The following MPPED1 variants were observed in gnomAD, a reference collection of about 807,000 sequenced individuals.
MPPED1 encodes the protein metallophosphoesterase domain-containing protein 1.
Under a neutral mutation model 36.2 loss-of-function variants are expected in MPPED1, and 16 were observed. That is an observed-to-expected ratio of 0.44 (90% CI 0.30 to 0.67). The LOEUF is 0.67. MPPED1 is among the 30% of genes least tolerant of loss of function. The pLI is 0.10. For synonymous variants in MPPED1, 199 were observed against 191.3 expected, an observed-to-expected ratio of 1.04 and a Z score of -0.33; for missense variants, 307 against 453.4, an observed-to-expected ratio of 0.68 and a Z score of 2.93.
At chr22:43,498,388 C>A in intron 5 of MPPED1, 38 bp downstream of exon 5, 1 of 1,489,376 alleles carries the variant, frequency 6.7e-7, no homozygotes, top group South Asian at 1.2e-5. Flanking sequence ...GCTCGCCCAT[C>A]TGGGCTGGTG....
At chr22:43,463,831 C>CT (rs759681701) in intron 3 of MPPED1, among the ~76,000 whole-genome samples, 1 of 122,946 alleles carries the variant, frequency 8.1e-6, no homozygotes, top group Admixed American at 8.3e-5. Flanking sequence ...TTCTTTCTTT[C>CT]TTTCTTTCTT....
At chr22:43,441,661 A>T (rs1930153106) in intron 3 of MPPED1, among the ~76,000 whole-genome samples, 1 of 152,220 alleles carries the variant, frequency 6.6e-6, no homozygotes, top group South Asian at 2.1e-4. Context: ...CTGGCGCCTG[A>T]GCATAACACG....
At chr22:43,435,492 C>G (rs1929927316) in intron 3 of MPPED1, among the ~76,000 whole-genome samples, 1 of 151,926 alleles carries the variant, frequency 6.6e-6, no homozygotes, top group African/African-American at 2.4e-5. Flanking sequence ...CCAAAAGGGA[C>G]TTTGCTCATG....
intron 1 of MPPED1, among the ~76,000 whole-genome samples, chr22:43,423,766 T>G (rs1270441251): frequency 6.6e-6 from 1 of 152,244 alleles, no homozygotes; most frequent in Non-Finnish European, 1.5e-5. Flanking sequence ...GATTGCGATA[T>G]GAGTGTCCAG....
intron 3 of MPPED1, among the ~76,000 whole-genome samples, chr22:43,473,819 C>T (rs1931456180): frequency 6.6e-6 from 1 of 152,158 alleles, no homozygotes; most frequent in African/African-American, 2.4e-5. Context: ...AGAAACCAGC[C>T]CCCAGCCAGT....
intron 3 of MPPED1, among the ~76,000 whole-genome samples, chr22:43,449,456 T>G (rs1425514353): frequency 1.1e-5 from 1 of 92,754 alleles, no homozygotes; most frequent in African/African-American, 4.1e-5. Flanking sequence ...AGGCTCTCAG[T>G]GTTGTTATTG....
At chr22:43,475,534 TGGTGGTG>T (rs1931526103) in intron 4 of MPPED1, among the ~76,000 whole-genome samples, 63 of 2,526 alleles carry the variant, frequency 0.025, no homozygotes, top group African/African-American at 0.065. Flanking sequence ...GTGGTGGTGG[TGGTGGTG>T]ATGTGATGGT....
At chr22:43,433,034 A>G (rs571789855) in intron 2 of MPPED1, among the ~76,000 whole-genome samples, 5 of 152,170 alleles carry the variant, frequency 3.3e-5, no homozygotes, top group African/African-American at 7.2e-5. Flanking sequence ...CCCAGTAGCA[A>G]TTGGCTGCCC....
chr22:43,493,486 C>G (rs980783392), intron 4 of MPPED1, among the ~76,000 whole-genome samples: 2 of 152,168 alleles, frequency 1.3e-5, no homozygotes, highest in Non-Finnish European at 2.9e-5. Flanking sequence ...CACCCCTCCC[C>G]CAGCCTCCAC....
Position 43,449,735 on chromosome 22 carries a change from C to T in MPPED1, c.406+14520C>T, listed in dbSNP as rs151044703. Among the ~76,000 whole-genome samples, 250 of 152,284 alleles carry T rather than the reference C, an allele frequency of 1.6e-3. 2 individuals are homozygous for T. The highest frequency in any genetic ancestry group is 5.7e-3 in the African/African-American group (237 of 41,572). ...CCAGAGCTGGGCCACCTTGCCTCCT[C>T]GATGTGTGACCTTGGGCAGGTGACT... On this transcript the variant is annotated intron_variant, in intron 3 of 6. Transcript: ENST00000443721.
intron 2 of MPPED1, among the ~76,000 whole-genome samples, chr22:43,427,555 ATGAC>A (rs1408982227): frequency 6.6e-6 from 1 of 152,082 alleles, no homozygotes; most frequent in Non-Finnish European, 1.5e-5. Context: ...AGGGTGGTGA[ATGAC>A]TGAATGAGAG....
chr22:43,441,569 G>A (rs1300697421), intron 3 of MPPED1, among the ~76,000 whole-genome samples: 1 of 152,178 alleles, frequency 6.6e-6, no homozygotes, highest in Admixed American at 6.5e-5. Flanking sequence ...TAATTAAGTG[G>A]CACTACCCTT....
At chr22:43,463,658 G>A (rs1931034997) in intron 3 of MPPED1, among the ~76,000 whole-genome samples, 1 of 152,010 alleles carries the variant, frequency 6.6e-6, no homozygotes, top group African/African-American at 2.4e-5. Context: ...AAATTTCATG[G>A]GTGCAATATT....
intron 1 of MPPED1, among the ~76,000 whole-genome samples, chr22:43,420,665 G>T (rs1929238630): frequency 6.6e-6 from 1 of 152,160 alleles, no homozygotes; most frequent in African/African-American, 2.4e-5. Context: ...GCGTCCCAAA[G>T]TGCTGGGATT....
chr22:43,445,815 C>T (rs1423685856), intron 3 of MPPED1, among the ~76,000 whole-genome samples: 2 of 151,336 alleles, frequency 1.3e-5, no homozygotes, highest in African/African-American at 4.9e-5. Flanking sequence ...GGCAATCTGC[C>T]TACCTCGGCC....
intron 3 of MPPED1, among the ~76,000 whole-genome samples, chr22:43,464,926 G>A (rs1341138787): frequency 6.6e-6 from 1 of 152,150 alleles, no homozygotes; most frequent in Non-Finnish European, 1.5e-5. Flanking sequence ...GACAAACATG[G>A]GCCTTCAGAA....
chr22:43,424,266 C>T (rs1412934077), intron 1 of MPPED1, among the ~76,000 whole-genome samples: 1 of 152,162 alleles, frequency 6.6e-6, no homozygotes. Flanking sequence ...ATCTCTGCCC[C>T]TACCTGCACT....
chr22:43,452,787 C>T (rs1158974378), intron 3 of MPPED1, among the ~76,000 whole-genome samples: 2 of 151,966 alleles, frequency 1.3e-5, no homozygotes, highest in East Asian at 1.9e-4. Context: ...TGCCACCACG[C>T]CTGGCTACTT....
chr22:43,424,588 G>A (rs1406133069), intron 1 of MPPED1, among the ~76,000 whole-genome samples: 3 of 151,974 alleles, frequency 2.0e-5, no homozygotes, highest in South Asian at 2.1e-4. Flanking sequence ...CTGTAGGCTC[G>A]GGAGGATTTT....
Sources: gnomAD v4.1 joint callset for allele counts (sites outside exome capture counted in the v4.1 genomes callset) on GRCh38, gnomAD v4.1.1 for gene constraint, MANE v1.5 for transcripts, NCBI Gene and HGNC (gene_info 2026-07-23, HGNC 2026-07-21) for gene names.